Variants in RNF144B observed in about 807,000 individuals in gnomAD.
RNF144B encodes the protein E3 ubiquitin-protein ligase RNF144B.
RNF144B carries 25 observed loss-of-function variants against 40.2 expected under a neutral mutation model. The observed-to-expected ratio is 0.62, with a 90% CI of 0.45 to 0.87. The LOEUF (loss-of-function observed/expected upper bound fraction) is 0.87, where lower values mean the gene tolerates loss of function less well. Among genes scored for constraint, RNF144B ranks in the 40% least tolerant of loss-of-function variants. RNF144B has a pLI of 0.00. For synonymous variants in RNF144B, 145 were observed against 136.3 expected, an observed-to-expected ratio of 1.06 and a Z score of -0.44; for missense variants, 365 against 373.7, an observed-to-expected ratio of 0.98 and a Z score of 0.19.
chr6:18,448,236 A>G lies in RNF144B; in HGVS notation c.331+8492A>G, dbSNP rs1323190416. Among the ~76,000 whole-genome samples the G allele has an allele frequency of 6.6e-6, 1 of 152,160 alleles. No individual in the cohort carries two copies. The highest frequency in any genetic ancestry group is 1.5e-5 in the Non-Finnish European group (1 of 68,026). On this transcript the variant is annotated intron_variant, in intron 4 of 7. Transcript: ENST00000259939. This position sits in a 1 kb window ranked among gnomAD's most constrained non-coding sequence, Gnocchi z 4.0. ...GAGGGAGGGGGGAGGTAATTGCAGA[A>G]GCCAAATCCTTGAGAGTGTGAGGGG... is the stretch of plus-strand genomic sequence containing the variant.
intron 1 of RNF144B, among the ~76,000 whole-genome samples, chr6:18,393,235 G>A (rs551833735): frequency 1.3e-5 from 2 of 152,324 alleles, no homozygotes. Flanking sequence ...TTAGGTTAGG[G>A]CATGCATTAG....
intron 3 of RNF144B, among the ~76,000 whole-genome samples, chr6:18,430,136 AC>A (rs1256216510): frequency 3.9e-5 from 6 of 152,220 alleles, no homozygotes; most frequent in Non-Finnish European, 7.3e-5. Flanking sequence ...TCCAGTAGCC[AC>A]TAGCCACATG....
In RNF144B at chr6:18,447,413, C is replaced by T. The variant is rs932968046; in HGVS notation, c.331+7669C>T. ...TAATTTGAAAGTGTTAGTCAAGGGC[C>T]TGATCCCATAGATTATGAAGATGAA... is the stretch of plus-strand genomic sequence containing the variant. On this transcript the variant is annotated intron_variant, in intron 4 of 7. Transcript: ENST00000259939. This position sits in a 1 kb window ranked among gnomAD's most constrained non-coding sequence, Gnocchi z 5.6. 6.6e-6 allele frequency among the ~76,000 whole-genome samples: 1 copy of T among 152,132 alleles called. No individual in the cohort carries two copies. Among genetic ancestry groups the T allele is most frequent in the Admixed American group, 6.5e-5 (1 of 15,272 alleles).
chr6:18,407,571 A>G (rs1386723469), intron 2 of RNF144B, among the ~76,000 whole-genome samples: 3 of 152,194 alleles, frequency 2.0e-5, no homozygotes, highest in African/African-American at 4.8e-5. Flanking sequence ...TGACTATTCA[A>G]TTATTGGAAA....
In RNF144B at chr6:18,468,722, G is replaced by A. The variant is rs181105180; in HGVS notation, c.*3655G>A. 1.8e-4 allele frequency: 28 copies of A among 152,282 alleles called. No individual in the cohort carries two copies. Among genetic ancestry groups the A allele is most frequent in the African/African-American group, 6.7e-4 (28 of 41,550 alleles). The allele number at this position is 152,282 out of a possible 1,614,324, so 9.4% of individuals were successfully genotyped here. ...GACATTTTATAAAGCGATCACAATT[G>A]ATATCTACAGGCTATTATGTCTCAT... On this transcript the variant is annotated 3_prime_UTR_variant, in exon 8 of 8. Coordinates refer to ENST00000259939, the MANE Select transcript of RNF144B (RefSeq NM_182757.4).
At chr6:18,445,054 G>C (rs1759049834) in intron 4 of RNF144B, among the ~76,000 whole-genome samples, 1 of 151,886 alleles carries the variant, frequency 6.6e-6, no homozygotes, top group Non-Finnish European at 1.5e-5. Context: ...ACTGTGTGAT[G>C]CTTAAGTACT....
chr6:18,399,285 T>A (rs1018194770), intron 1 of RNF144B, among the ~76,000 whole-genome samples: 2 of 152,262 alleles, frequency 1.3e-5, no homozygotes, highest in Admixed American at 6.5e-5. Context: ...ATGATGTGAA[T>A]CAGGACAGTG....
chr6:18,394,427 G>T (rs992127538), intron 1 of RNF144B, among the ~76,000 whole-genome samples: 5 of 152,016 alleles, frequency 3.3e-5, no homozygotes, highest in African/African-American at 1.2e-4. Flanking sequence ...GTGAAACCTC[G>T]TCTCTACTAA....
intron 2 of RNF144B, 152 bp downstream of exon 2, chr6:18,399,851 A>G (rs1244868494): frequency 1.6e-6 from 1 of 636,392 alleles, no homozygotes; most frequent in Admixed American, 3.1e-5. Context: ...ATTTCCAAAT[A>G]GTATCTTAAA....
At position 18,444,344 on chromosome 6, in the gene RNF144B, A is replaced by C. The variant is rs1242380556; in HGVS notation, c.331+4600A>C. The stretch of plus-strand genomic sequence containing the variant: ...ATATTAACAAGGAAAAGGGAATGCT[A>C]AGTTTGGCATGGATTAATGATCACT... On this transcript the variant is annotated intron_variant, in intron 4 of 7. Coordinates refer to ENST00000259939, the MANE Select transcript of RNF144B (RefSeq NM_182757.4). This position sits in a 1 kb window ranked among gnomAD's most constrained non-coding sequence, Gnocchi z 4.3. 6.6e-6 allele frequency among the ~76,000 whole-genome samples: 1 copy of C among 152,182 alleles called. No individual in the cohort carries two copies. The highest frequency in any genetic ancestry group is 2.4e-5 in the African/African-American group (1 of 41,446).
Position 18,460,723 on chromosome 6 carries a change from A to G in RNF144B, c.681+972A>G, listed in dbSNP as rs557354326. On this transcript the variant is annotated intron_variant, in intron 6 of 7. Transcript: ENST00000259939. This position sits in a 1 kb window ranked among gnomAD's most constrained non-coding sequence, Gnocchi z 4.4. ...AAGGGGCTTGGCTTAATTTTTTCTC[A>G]CCATTCATGAATCAAGTCTCAAATT... 6.6e-6 allele frequency among the ~76,000 whole-genome samples: 1 copy of G among 151,906 alleles called. No homozygotes were observed. The highest frequency in any genetic ancestry group is 2.1e-4 in the South Asian group (1 of 4,812).
rs1287040465 is a variant in RNF144B at position 18,418,039 on chromosome 6, A to G, written c.166-9542A>G. Among the ~76,000 whole-genome samples, 1 of 152,232 alleles carries G rather than the reference A, an allele frequency of 6.6e-6. No individual in the cohort carries two copies. Among genetic ancestry groups the G allele is most frequent in the Non-Finnish European group, 1.5e-5 (1 of 68,030 alleles). ...CAATGCAAATCGAAACCACAATGAT[A>G]TTCGACTTCACATTAAGATGGCTAT... On this transcript the variant is annotated intron_variant, in intron 2 of 7. Coordinates refer to ENST00000259939, the MANE Select transcript of RNF144B (RefSeq NM_182757.4). This position sits in a 1 kb window ranked among gnomAD's most constrained non-coding sequence, Gnocchi z 5.2.
intron 1 of RNF144B, among the ~76,000 whole-genome samples, chr6:18,388,470 T>A (rs1794513511): frequency 1.3e-5 from 2 of 152,212 alleles, no homozygotes; most frequent in East Asian, 1.9e-4. Flanking sequence ...ACTCAGTTTT[T>A]AGGGTGTGGG....
intron 2 of RNF144B, among the ~76,000 whole-genome samples, chr6:18,415,972 A>T (rs1463176675): frequency 1.3e-5 from 2 of 152,234 alleles, no homozygotes; most frequent in Non-Finnish European, 2.9e-5. Flanking sequence ...GAATCTGGCT[A>T]TGCTGAATCC....
chr6:18,388,436 G>A (rs1794512989), intron 1 of RNF144B, among the ~76,000 whole-genome samples: 1 of 152,186 alleles, frequency 6.6e-6, no homozygotes. Context: ...GTGCCCAGAA[G>A]CAAAATAAAT....
At position 18,441,561 on chromosome 6, in the gene RNF144B, G is replaced by A. The variant is rs1758965615; in HGVS notation, c.331+1817G>A. 6.6e-6 allele frequency among the ~76,000 whole-genome samples: 1 copy of A among 150,498 alleles called. No individual in the cohort carries two copies. Among genetic ancestry groups the A allele is most frequent in the African/African-American group, 2.4e-5 (1 of 41,236 alleles). On this transcript the variant is annotated intron_variant, in intron 4 of 7. Transcript: ENST00000259939. This position sits in a 1 kb window ranked among gnomAD's most constrained non-coding sequence, Gnocchi z 4.9. ...TGTTTACATTTTAGGTAACATATCT[G>A]TTAGCTCAAATGTCTTTTTTGTAAT...
In RNF144B at chr6:18,441,341, G is replaced by A. The variant is rs1382293221; in HGVS notation, c.331+1597G>A. Among the ~76,000 whole-genome samples the A allele has an allele frequency of 1.3e-5, 2 of 152,282 alleles. No homozygotes were observed. Among genetic ancestry groups the A allele is most frequent in the Non-Finnish European group, 2.9e-5 (2 of 68,026 alleles). ...TACCTGGAGAAAGCCTACAGAGTTA[G>A]GTTGGATTTTCAGGCTGCTGCTTAA... On this transcript the variant is annotated intron_variant, in intron 4 of 7. Transcript: ENST00000259939. The surrounding 1 kb of genome is among the most constrained non-coding windows in gnomAD (Gnocchi z 4.9).
rs76355442 is a variant in RNF144B, at chr6:18,442,385, C to T, written c.331+2641C>T. Reference sequence around the variant, plus strand: ...TCTCACGAGTTCTGGGCAGATGCCCCACTGTGGATCCCATGCATTAACAAT... The same window carrying T: ...TCTCACGAGTTCTGGGCAGATGCCCTACTGTGGATCCCATGCATTAACAAT... On this transcript the variant is annotated intron_variant, in intron 4 of 7. Transcript: ENST00000259939. The surrounding 1 kb of genome is among the most constrained non-coding windows in gnomAD (Gnocchi z 4.3). 2.7e-3 allele frequency among the ~76,000 whole-genome samples: 411 copies of T among 152,274 alleles called. 2 individuals carry two copies. The highest frequency in any genetic ancestry group is 9.3e-3 in the African/African-American group (388 of 41,558).
intron 2 of RNF144B, among the ~76,000 whole-genome samples, chr6:18,402,906 AT>A: frequency 6.6e-6 from 1 of 152,380 alleles, no homozygotes; most frequent in South Asian, 2.1e-4. Context: ...GAGAAGCTGC[AT>A]ATACAGGAAA....
Sources: gnomAD v4.1 joint callset for allele counts (sites outside exome capture counted in the v4.1 genomes callset) on GRCh38, gnomAD v4.1.1 for gene constraint, Gnocchi (gnomAD v3.1) non-coding constraint, MANE v1.5 for transcripts, NCBI Gene and HGNC (gene_info 2026-07-23, HGNC 2026-07-21) for gene names.